ORC5: variants seen among roughly 807,000 people sequenced by gnomAD.
The protein encoded by ORC5 is protein phosphatase 1, regulatory subunit 117.
In ORC5, 39 loss-of-function variants were observed where a neutral mutation model predicts 58.8. That is an observed-to-expected ratio of 0.66 (90% CI 0.51 to 0.87). The LOEUF is 0.87. Ranked by LOEUF, ORC5 falls within the 40% of genes least tolerant of loss-of-function variation. ORC5 has a pLI of 0.00. For missense variants in ORC5, 493 were observed against 506.3 expected (o/e 0.97, Z 0.25); for synonymous variants, 218 against 177.6 (o/e 1.23, Z -1.81).
intron 12 of ORC5, among the ~76,000 whole-genome samples, chr7:104,144,074 G>A (rs1001364071): frequency 6.6e-6 from 1 of 151,928 alleles, no homozygotes; most frequent in African/African-American, 2.4e-5. Context: ...AGCTGAGATC[G>A]CACCACTGCA....
chr7:104,194,241 T>C (rs894163089), intron 5 of ORC5, among the ~76,000 whole-genome samples: 2 of 151,942 alleles, frequency 1.3e-5, no homozygotes, highest in African/African-American at 4.8e-5. Context: ...CTCAGCTAAT[T>C]GGCTATGACA....
intron 12 of ORC5, among the ~76,000 whole-genome samples, chr7:104,140,488 T>A (rs1229305024): frequency 6.6e-6 from 1 of 152,244 alleles, no homozygotes; most frequent in Non-Finnish European, 1.5e-5. Flanking sequence ...TCCTCCTTTA[T>A]TTCCAACTTA....
At chr7:104,154,161 A>C (rs1348875122) in intron 12 of ORC5, among the ~76,000 whole-genome samples, 1 of 152,098 alleles carries the variant, frequency 6.6e-6, no homozygotes, top group Admixed American at 6.6e-5. Flanking sequence ...GCCATATACA[A>C]TATACTGATT....
At chr7:104,190,299 A>G (rs1584516816) in intron 5 of ORC5, among the ~76,000 whole-genome samples, 2 of 152,176 alleles carry the variant, frequency 1.3e-5, no homozygotes, top group Non-Finnish European at 2.9e-5. Flanking sequence ...TAAATCAACT[A>G]GGAAGAAAAA....
At position 104,136,018 on chromosome 7, in the gene ORC5, A is replaced by G. The variant is rs1562802574; in HGVS notation, c.1262+763T>C. On this transcript the variant is annotated intron_variant, in intron 13 of 13. Coordinates refer to ENST00000297431, the MANE Select transcript of ORC5 (RefSeq NM_002553.4). This position sits in a 1 kb window ranked among gnomAD's most constrained non-coding sequence, Gnocchi z 4.2. ...CATATAAATGGTTTGAACATTTTCC[A>G]TAACACTAAGAACACCTCTTTGTAA... Among the ~76,000 whole-genome samples, 2 of 152,214 alleles carry G rather than the reference A, an allele frequency of 1.3e-5. No individual in the cohort carries two copies. The highest frequency in any genetic ancestry group is 6.5e-5 in the Admixed American group (1 of 15,276).
At chr7:104,189,422 A>G (rs1016758905) in intron 5 of ORC5, among the ~76,000 whole-genome samples, 1 of 152,092 alleles carries the variant, frequency 6.6e-6, no homozygotes, top group Non-Finnish European at 1.5e-5. Flanking sequence ...ACCTTCCAAC[A>G]GGTCCCTCCA....
chr7:104,138,241 A>G lies in ORC5; in HGVS notation c.1150-1348T>C, dbSNP rs541845028. Among the ~76,000 whole-genome samples the G allele has an allele frequency of 8.5e-4, 129 of 152,246 alleles. No individual in the cohort carries two copies. The highest frequency in any genetic ancestry group is 1.6e-3 in the Non-Finnish European group (107 of 68,038). On this transcript the variant is annotated intron_variant, in intron 12 of 13. Transcript: ENST00000297431. The surrounding 1 kb of genome is among the most constrained non-coding windows in gnomAD (Gnocchi z 4.7). ...CTGATTCAAACAATCAGTCCCTAAGAATTCCACTAGAGACAGCTTTGTTTC... is the reference window on the plus strand; with the variant it reads ...CTGATTCAAACAATCAGTCCCTAAGGATTCCACTAGAGACAGCTTTGTTTC...
chr7:104,207,940 GC>G lies in ORC5; in HGVS notation c.-37del, dbSNP rs1407394524. 5.7e-6 allele frequency: 9 copies of G among 1,591,962 alleles called. No individual in the cohort carries two copies. The highest frequency in any genetic ancestry group is 7.8e-6 in the Non-Finnish European group (9 of 1,160,024). On this transcript the variant is annotated 5_prime_UTR_variant, in exon 1 of 14. Transcript: ENST00000297431. ...ACCACCGCAGAGGCCAGTGCAGCCA[GC>G]CCACAGGACCCTTGCACAAGACGGA...
intron 6 of ORC5, chr7:104,188,031 T>A (rs1799586052): frequency 9.1e-7 from 1 of 1,104,268 alleles, no homozygotes; most frequent in South Asian, 4.2e-5. Flanking sequence ...TCTGATCAGA[T>A]CAAACAATCA....
At chr7:104,204,976 T>C (rs1214568465) in intron 1 of ORC5, among the ~76,000 whole-genome samples, 2 of 151,964 alleles carry the variant, frequency 1.3e-5, no homozygotes, top group African/African-American at 2.4e-5. Context: ...CTGAAAACCA[T>C]GAGGTACTGA....
chr7:104,136,960 A>G lies in ORC5; in HGVS notation c.1150-67T>C, dbSNP rs1184403306. ...TATGTAATACTTTTGTTTCTGAAAC[A>G]TCTTATAGTCTGATAAAGATACATA... On this transcript the variant is annotated intron_variant, in intron 12 of 13. Coordinates refer to ENST00000297431, the MANE Select transcript of ORC5 (RefSeq NM_002553.4). This position sits in a 1 kb window ranked among gnomAD's most constrained non-coding sequence, Gnocchi z 4.2. 1 of 1,099,258 alleles carries G rather than the reference A, an allele frequency of 9.1e-7. No individual in the cohort carries two copies. 68.1% of individuals were successfully genotyped at this position (1,099,258 alleles called of 1,614,324 possible).
intron 12 of ORC5, among the ~76,000 whole-genome samples, chr7:104,154,855 T>C (rs1798898758): frequency 6.6e-6 from 1 of 151,862 alleles, no homozygotes; most frequent in Non-Finnish European, 1.5e-5. Flanking sequence ...TGAAGAAATA[T>C]GCCAAAATCT....
chr7:104,205,107 T>TTG (rs1800045808), intron 1 of ORC5, among the ~76,000 whole-genome samples: 1 of 147,768 alleles, frequency 6.8e-6, no homozygotes, highest in Admixed American at 6.8e-5. Context: ...TTTTTTTTTT[T>TTG]GAGATGGAGT....
At chr7:104,161,843 A>G (rs1448364296) in intron 11 of ORC5, among the ~76,000 whole-genome samples, 1 of 152,178 alleles carries the variant, frequency 6.6e-6, no homozygotes, top group Non-Finnish European at 1.5e-5. Flanking sequence ...CAAATCCAAG[A>G]TAATAACCAA....
At chr7:104,151,704 C>T (rs1056372897) in intron 12 of ORC5, among the ~76,000 whole-genome samples, 1 of 152,164 alleles carries the variant, frequency 6.6e-6, no homozygotes, top group African/African-American at 2.4e-5. Context: ...AGTTCAGGTT[C>T]AGCTGGCAAT....
chr7:104,192,399 T>C (rs1799695958), intron 5 of ORC5, among the ~76,000 whole-genome samples: 1 of 152,128 alleles, frequency 6.6e-6, no homozygotes, highest in African/African-American at 2.4e-5. Flanking sequence ...ATGTTGCCAC[T>C]AGTCAGAAGG....
intron 5 of ORC5, among the ~76,000 whole-genome samples, chr7:104,188,979 G>A (rs1340731339): frequency 2.0e-5 from 3 of 152,036 alleles, no homozygotes; most frequent in Non-Finnish European, 4.4e-5. Context: ...AGAAGCAGAA[G>A]CCTGTACAGC....
At chr7:104,195,517 C>T (rs568354440) in intron 4 of ORC5, among the ~76,000 whole-genome samples, 1 of 152,262 alleles carries the variant, frequency 6.6e-6, no homozygotes, top group South Asian at 2.1e-4. Context: ...TCCTCCTATA[C>T]CTCTCAAGTA....
chr7:104,139,733 C>T (rs1798643482), intron 12 of ORC5, among the ~76,000 whole-genome samples: 1 of 151,858 alleles, frequency 6.6e-6, no homozygotes, highest in Admixed American at 6.6e-5. Context: ...AAATATTGTG[C>T]GTTGAAAAGA....
Sources: allele counts gnomAD v4.1 joint callset (sites outside exome capture counted in the v4.1 genomes callset), GRCh38; gene constraint gnomAD v4.1.1; non-coding constraint Gnocchi (gnomAD v3.1); transcripts MANE v1.5; gene names NCBI Gene and HGNC (gene_info 2026-07-23, HGNC 2026-07-21).